Variants in NDE1 observed in about 807,000 individuals in gnomAD.
The protein encoded by NDE1 is nudE neurodevelopment protein 1.
A neutral mutation model predicts 43.4 loss-of-function variants in NDE1; 28 were observed. The observed-to-expected ratio is 0.65, with a 90% CI of 0.48 to 0.89. The LOEUF (loss-of-function observed/expected upper bound fraction) is 0.89, where lower values mean the gene tolerates loss of function less well. Among genes scored for constraint, NDE1 ranks in the 40% least tolerant of loss-of-function variants. NDE1 has a pLI of 0.00. For missense variants in NDE1, 441 were observed against 434.1 expected (o/e 1.02, Z -0.14); for synonymous variants, 184 against 172.0 (o/e 1.07, Z -0.55).
At position 15,679,077 on chromosome 16, in the gene NDE1, AAAAAC is replaced by A. The variant is rs1048910197; in HGVS notation, c.386+1143_386+1147del. Reference sequence around the variant, plus strand: ...GGGTGACAGAGCTAGACTCTGTCTCAAAAACAAAACAAAACAAAAAACAACAAAAA... The same window carrying A: ...GGGTGACAGAGCTAGACTCTGTCTCAAAAACAAAACAAAAAACAACAAAAA... On this transcript the variant is annotated intron_variant, in intron 4 of 8. Coordinates refer to ENST00000396354, the MANE Select transcript of NDE1 (RefSeq NM_017668.3). Among the ~76,000 whole-genome samples, 14 of 152,290 alleles carry A rather than the reference AAAAAC, an allele frequency of 9.2e-5. 1 individual carries two copies. In the East Asian group the frequency reaches 1.5e-3, roughly 17 times the overall value.
In NDE1 at chr16:15,719,284, G is replaced by A. The variant is rs201108170; in HGVS notation, c.948-4907G>A. ...TCCTTCTCGAGGTCCGCTTGTTTGC[G>A]AGCCCTCTCAGCGGCGGCGAGGTCC... On this transcript the variant is annotated intron_variant, in intron 8 of 8. Coordinates refer to ENST00000396354, the MANE Select transcript of NDE1 (RefSeq NM_017668.3). 33 of 1,612,536 alleles carry A rather than the reference G, an allele frequency of 2.0e-5. No individual in the cohort carries two copies. In the African/African-American group the frequency reaches 4.0e-4, roughly 20 times the overall value.
At chr16:15,717,993 A>C in intron 8 of NDE1, 2 of 430,850 alleles carry the variant, frequency 4.6e-6, no homozygotes, top group Non-Finnish European at 8.7e-6. Context: ...CTCACTGGAT[A>C]AGGTCAGAGC....
At chr16:15,680,351 A>C (rs752391186) in intron 4 of NDE1, among the ~76,000 whole-genome samples, 2 of 152,170 alleles carry the variant, frequency 1.3e-5, no homozygotes, top group Non-Finnish European at 2.9e-5. Context: ...AATCTTGTAA[A>C]GATGCAGACT....
At position 15,724,580 on chromosome 16, in the gene NDE1, T is replaced by C; in HGVS notation, c.*329T>C. On this transcript the variant is annotated 3_prime_UTR_variant, in exon 9 of 9. Coordinates refer to ENST00000396354, the MANE Select transcript of NDE1 (RefSeq NM_017668.3). ...CACCAACACTCCACCGCGATCTGCC[T>C]GCGGGGGATCTCAGCGCAGAGAAGT... The C allele has an allele frequency of 6.2e-7, 1 of 1,610,454 alleles. No homozygotes were observed. Among genetic ancestry groups the C allele is most frequent in the East Asian group, 2.2e-5 (1 of 44,864 alleles).
intron 8 of NDE1, among the ~76,000 whole-genome samples, chr16:15,716,472 G>A (rs944577699): frequency 1.3e-5 from 2 of 152,120 alleles, no homozygotes; most frequent in Non-Finnish European, 2.9e-5. Flanking sequence ...GGCTTCCAGT[G>A]TGTGTACCAA....
chr16:15,696,192 TA>T lies in NDE1; in HGVS notation c.796-509del, dbSNP rs66881003. Among the ~76,000 whole-genome samples the T allele has an allele frequency of 1.0e-4, 15 of 150,190 alleles. 1 individual carries two copies. On this transcript the variant is annotated intron_variant, in intron 7 of 8. Coordinates refer to ENST00000396354, the MANE Select transcript of NDE1 (RefSeq NM_017668.3). ...AACATTTTAAAAAATTTTTCGTAAT[TA>T]AAAAAAATTTTTTGCATTAAAAATT...
chr16:15,690,363 T>C (rs1209333223), intron 5 of NDE1, among the ~76,000 whole-genome samples: 29 of 111,042 alleles, frequency 2.6e-4, no homozygotes, highest in Admixed American at 1.3e-3. Context: ...CTTTTTTTTT[T>C]TTTTTTTTTT....
At chr16:15,645,100 A>G (rs925381951) in intron 1 of NDE1, among the ~76,000 whole-genome samples, 1 of 151,964 alleles carries the variant, frequency 6.6e-6, no homozygotes, top group Non-Finnish European at 1.5e-5. Flanking sequence ...TTGTGTTTTT[A>G]GTAGAGACGG....
In NDE1 at chr16:15,715,004, G is replaced by T; in HGVS notation, c.948-9187G>T. The T allele has an allele frequency of 6.2e-7, 1 of 1,613,964 alleles. No individual in the cohort carries two copies. Among genetic ancestry groups the T allele is most frequent in the Non-Finnish European group, 8.5e-7 (1 of 1,180,020 alleles). On this transcript the variant is annotated intron_variant, in intron 8 of 8. Coordinates refer to ENST00000396354, the MANE Select transcript of NDE1 (RefSeq NM_017668.3). ...CCCGCTGCAGCTTCCTGCGGTTGGC[G>T]TTGATGCGCTGGGACTCCTCCTCTG...
At chr16:15,706,234 A>T (rs980782630) in intron 8 of NDE1, among the ~76,000 whole-genome samples, 3 of 151,816 alleles carry the variant, frequency 2.0e-5, no homozygotes, top group Non-Finnish European at 2.9e-5. Context: ...CTACTAGAGA[A>T]CTCTCCATCC....
At chr16:15,643,480 C>G (rs1004148539) in exon 1 of NDE1, 2 of 410,558 alleles carry the variant, frequency 4.9e-6, no homozygotes, top group African/African-American at 4.5e-5. Flanking sequence ...AAAAAACCTG[C>G]CAACCAGGAT....
chr16:15,650,748 TTCTC>T (rs1210938959), intron 1 of NDE1, among the ~76,000 whole-genome samples: 1 of 151,872 alleles, frequency 6.6e-6, no homozygotes, highest in Non-Finnish European at 1.5e-5. Flanking sequence ...CTCGTTTCTT[TTCTC>T]TCTCTCTCCT....
intron 4 of NDE1, 146 bp from the exon 5 acceptor site, chr16:15,687,229 G>A (rs746352176): frequency 1.3e-6 from 2 of 1,555,240 alleles, no homozygotes; most frequent in Non-Finnish European, 1.7e-6. Context: ...AAGGTTAAGG[G>A]ACTTGGCCCA....
At chr16:15,684,874 T>TC (rs2038357601) in intron 4 of NDE1, among the ~76,000 whole-genome samples, 1 of 152,228 alleles carries the variant, frequency 6.6e-6, no homozygotes, top group Non-Finnish European at 1.5e-5. Flanking sequence ...AGCATACTAT[T>TC]CTTCATTGTT....
intron 1 of NDE1, among the ~76,000 whole-genome samples, chr16:15,644,498 C>T (rs749727324): frequency 2.6e-5 from 4 of 152,192 alleles, no homozygotes; most frequent in Non-Finnish European, 5.9e-5. Flanking sequence ...TGACTGTGGG[C>T]TGGGCGCAGT....
chr16:15,713,234 G>A (rs1035463105), intron 8 of NDE1: 1 of 151,862 alleles, frequency 6.6e-6, no homozygotes, highest in African/African-American at 2.4e-5. Context: ...TGGTGCCAGA[G>A]GGTTCAGCAT....
intron 8 of NDE1, chr16:15,708,979 G>T: frequency 1.1e-6 from 1 of 948,938 alleles, no homozygotes; most frequent in South Asian, 1.5e-5. Context: ...GATAGTCTCT[G>T]TCACCCAGGC....
chr16:15,666,594 G>A (rs925250706), intron 2 of NDE1, among the ~76,000 whole-genome samples: 1 of 152,112 alleles, frequency 6.6e-6, no homozygotes, highest in African/African-American at 2.4e-5. Flanking sequence ...GGGTGACAGA[G>A]CAAGACTCTA....
At chr16:15,720,677 G>T (rs765056603) in intron 8 of NDE1, among the ~76,000 whole-genome samples, 9 of 151,928 alleles carry the variant, frequency 5.9e-5, no homozygotes, top group Non-Finnish European at 1.2e-4. Flanking sequence ...AGGTTGCAGT[G>T]AGCTGAGATT....
Sources: allele counts gnomAD v4.1 joint callset (sites outside exome capture counted in the v4.1 genomes callset), GRCh38; gene constraint gnomAD v4.1.1; transcripts MANE v1.5; gene names NCBI Gene and HGNC (gene_info 2026-07-23, HGNC 2026-07-21).